KCND2: variants seen among roughly 807,000 people sequenced by gnomAD.
KCND2 encodes potassium voltage-gated channel subfamily D member 2.
In KCND2, 16 loss-of-function variants were observed where a neutral mutation model predicts 54.4. The observed-to-expected ratio is 0.29, with a 90% CI of 0.20 to 0.45. The LOEUF (loss-of-function observed/expected upper bound fraction) is 0.45, where lower values mean the gene tolerates loss of function less well. Ranked by LOEUF, KCND2 falls within the 20% of genes least tolerant of loss-of-function variation. The pLI, the probability that KCND2 is intolerant of heterozygous loss-of-function variation, is 1.00. For missense variants in KCND2, 486 were observed against 824.2 expected (o/e 0.59, Z 5.02); for synonymous variants, 317 against 310.7 (o/e 1.02, Z -0.21).
chr7:120,693,947 A>G (rs1367167597), intron 1 of KCND2, among the ~76,000 whole-genome samples: 3 of 152,170 alleles, frequency 2.0e-5, no homozygotes, highest in Admixed American at 6.5e-5. Flanking sequence ...GCTCTTTGGG[A>G]TGCCGAGATG....
chr7:120,715,672 C>T (rs1454007824), intron 1 of KCND2, among the ~76,000 whole-genome samples: 1 of 152,110 alleles, frequency 6.6e-6, no homozygotes, highest in African/African-American at 2.4e-5. Flanking sequence ...CAGTACATCA[C>T]ACATATCATG....
At chr7:120,583,995 T>A (rs1263626466) in intron 1 of KCND2, among the ~76,000 whole-genome samples, 2 of 152,216 alleles carry the variant, frequency 1.3e-5, no homozygotes, top group Non-Finnish European at 2.9e-5. Context: ...GACTCAACAC[T>A]GCCATTTCAG....
chr7:120,472,122 G>A (rs538146842), intron 1 of KCND2, among the ~76,000 whole-genome samples: 2 of 151,570 alleles, frequency 1.3e-5, no homozygotes, highest in East Asian at 3.9e-4. Flanking sequence ...TATATAGTTG[G>A]AATATTACCT....
At chr7:120,609,109 T>A (rs1292358043) in intron 1 of KCND2, among the ~76,000 whole-genome samples, 2 of 152,058 alleles carry the variant, frequency 1.3e-5, no homozygotes, top group Non-Finnish European at 2.9e-5. Context: ...CTGTTCATAA[T>A]GTTCTGATTT....
chr7:120,358,903 A>C (rs1300595429), intron 1 of KCND2, among the ~76,000 whole-genome samples: 1 of 152,166 alleles, frequency 6.6e-6, no homozygotes, highest in African/African-American at 2.4e-5. Context: ...TACTACCTAC[A>C]TTGCTTAGCA....
rs763816290 is a variant in KCND2 at position 120,747,890 on chromosome 7, GC to G, written c.*35del. 7 of 1,525,878 alleles carry G rather than the reference GC, an allele frequency of 4.6e-6. No individual in the cohort carries two copies. The Admixed American group carries it at 1.2e-4, about 26-fold the overall frequency. The allele number at this position is 1,525,878 out of a possible 1,614,324, so 94.5% of individuals were successfully genotyped here. A position where few individuals can be genotyped will look rare whatever the true frequency, so the allele number is the denominator to read the frequency against. ...TGGAATAAGGTCTAAGAGAATTCGA[GC>G]CCTGGCTGTGAAAAGAATCTCAACA... On this transcript the variant is annotated 3_prime_UTR_variant, in exon 6 of 6. Transcript: ENST00000331113.
At chr7:120,519,105 A>C (rs1803242559) in intron 1 of KCND2, among the ~76,000 whole-genome samples, 1 of 152,112 alleles carries the variant, frequency 6.6e-6, no homozygotes, top group Non-Finnish European at 1.5e-5. Context: ...AGGCAGGAAG[A>C]TCACTTCGGA....
chr7:120,307,397 A>G (rs1799664885), intron 1 of KCND2, among the ~76,000 whole-genome samples: 1 of 152,096 alleles, frequency 6.6e-6, no homozygotes, highest in African/African-American at 2.4e-5. Flanking sequence ...GGACAGTGAT[A>G]TACCTACCTG....
intron 1 of KCND2, among the ~76,000 whole-genome samples, chr7:120,603,684 A>T (rs539186506): frequency 6.6e-6 from 1 of 152,340 alleles, no homozygotes; most frequent in Admixed American, 6.5e-5. Context: ...AGAGCCAAAC[A>T]TCATATCCCA....
At chr7:120,380,848 G>A (rs961595224) in intron 1 of KCND2, among the ~76,000 whole-genome samples, 4 of 152,030 alleles carry the variant, frequency 2.6e-5, no homozygotes, top group African/African-American at 4.8e-5. Context: ...TCATATTTAT[G>A]TGTTATTAAA....
At position 120,361,784 on chromosome 7, in the gene KCND2, G is replaced by A. The variant is rs79429875; in HGVS notation, c.1115+86037G>A. Among the ~76,000 whole-genome samples, 1,397 of 152,176 alleles carry A rather than the reference G, an allele frequency of 9.2e-3. 16 individuals carry two copies. Among genetic ancestry groups the A allele is most frequent in the African/African-American group, 0.03 (1,259 of 41,554 alleles). ...TGACTCATTAATGTAATGAGAGAAC[G>A]TGGTTGAAAGTAGGTTCCAAAGTAA... On this transcript the variant is annotated intron_variant, in intron 1 of 5. Coordinates refer to ENST00000331113, the MANE Select transcript of KCND2 (RefSeq NM_012281.3).
At chr7:120,594,691 C>A (rs556385245) in intron 1 of KCND2, among the ~76,000 whole-genome samples, 1 of 152,286 alleles carries the variant, frequency 6.6e-6, no homozygotes, top group South Asian at 2.1e-4. Context: ...TTGCCCCAAA[C>A]TTACTGAGAC....
At chr7:120,467,875 A>C (rs1303635930) in intron 1 of KCND2, among the ~76,000 whole-genome samples, 1 of 152,128 alleles carries the variant, frequency 6.6e-6, no homozygotes, top group East Asian at 1.9e-4. Flanking sequence ...GTTAGCTCCC[A>C]GATGGTGGTA....
intron 1 of KCND2, among the ~76,000 whole-genome samples, chr7:120,352,051 C>T (rs1800416313): frequency 6.6e-6 from 1 of 152,060 alleles, no homozygotes; most frequent in Non-Finnish European, 1.5e-5. Flanking sequence ...ACCTCGTGCT[C>T]CTCAGCCTCC....
chr7:120,634,816 C>G (rs1249205989), intron 1 of KCND2, among the ~76,000 whole-genome samples: 4 of 152,288 alleles, frequency 2.6e-5, no homozygotes, highest in Middle Eastern at 3.4e-3. Flanking sequence ...AAGACTCTTC[C>G]TCACCTTGCA....
At chr7:120,658,276 A>G (rs1263875230) in intron 1 of KCND2, among the ~76,000 whole-genome samples, 1 of 152,218 alleles carries the variant, frequency 6.6e-6, no homozygotes. Flanking sequence ...TTCAACATCT[A>G]GAAAAATCTC....
chr7:120,668,173 T>C (rs188102696), intron 1 of KCND2, among the ~76,000 whole-genome samples: 4 of 152,128 alleles, frequency 2.6e-5, no homozygotes, highest in African/African-American at 7.2e-5. Context: ...GCTTATATTA[T>C]CAAAATGAAT....
intron 1 of KCND2, among the ~76,000 whole-genome samples, chr7:120,678,343 T>TTATATATATATATATA (rs3067141): frequency 3.3e-4 from 40 of 120,276 alleles, no homozygotes; most frequent in African/African-American, 1.0e-3. Context: ...GTATGATTAT[T>TTATATATATATATATA]TATATATATA....
chr7:120,497,215 A>T (rs1040161641), intron 1 of KCND2, among the ~76,000 whole-genome samples: 13 of 152,210 alleles, frequency 8.5e-5, no homozygotes, highest in African/African-American at 3.1e-4. Context: ...ACCCAATTCT[A>T]TCCTGAGCTC....
Sources: gnomAD v4.1 joint callset for allele counts (sites outside exome capture counted in the v4.1 genomes callset) on GRCh38, gnomAD v4.1.1 for gene constraint, MANE v1.5 for transcripts, NCBI Gene and HGNC (gene_info 2026-07-23, HGNC 2026-07-21) for gene names.